TMEM132D: variants seen among roughly 807,000 people sequenced by gnomAD.
TMEM132D encodes mature OL transmembrane protein.
A neutral mutation model predicts 62.3 loss-of-function variants in TMEM132D; 21 were observed. That is an observed-to-expected ratio of 0.34 (90% CI 0.24 to 0.49). TMEM132D has a LOEUF of 0.49. TMEM132D is among the 20% of genes least tolerant of loss of function. The pLI, the probability that TMEM132D is intolerant of heterozygous loss-of-function variation, is 0.99. For missense variants in TMEM132D, 1,346 were observed against 1,402.8 expected, an observed-to-expected ratio of 0.96 and a Z score of 0.65; for synonymous variants, 621 against 575.6, an observed-to-expected ratio of 1.08 and a Z score of -1.13.
intron 5 of TMEM132D, among the ~76,000 whole-genome samples, chr12:129,195,220 G>A (rs766839902): frequency 9.9e-5 from 15 of 152,130 alleles, no homozygotes; most frequent in Non-Finnish European, 1.8e-4. Flanking sequence ...TCCAGTAGGC[G>A]GGAGAAAGGC....
chr12:129,828,494 TC>T, intron 1 of TMEM132D, among the ~76,000 whole-genome samples: 1 of 151,410 alleles, frequency 6.6e-6, no homozygotes, highest in Non-Finnish European at 1.5e-5. Context: ...TTCCTTCCCC[TC>T]CCAATATCAC....
chr12:129,262,014 CATT>C (rs891069245), intron 4 of TMEM132D, among the ~76,000 whole-genome samples: 1 of 151,994 alleles, frequency 6.6e-6, no homozygotes, highest in Non-Finnish European at 1.5e-5. Context: ...GTGGAGGCAT[CATT>C]GAGAGAGTAT....
intron 3 of TMEM132D, among the ~76,000 whole-genome samples, chr12:129,387,594 C>T (rs980176863): frequency 6.6e-6 from 1 of 152,054 alleles, no homozygotes; most frequent in Non-Finnish European, 1.5e-5. Context: ...ACATCCATGG[C>T]AATATAACAC....
At chr12:129,269,928 A>G (rs1880807796) in intron 4 of TMEM132D, among the ~76,000 whole-genome samples, 1 of 152,148 alleles carries the variant, frequency 6.6e-6, no homozygotes, top group South Asian at 2.1e-4. Context: ...AGGCGTCTGA[A>G]AGGAAAGGCA....
chr12:129,821,725 G>A (rs1329572110), intron 1 of TMEM132D, among the ~76,000 whole-genome samples: 4 of 152,172 alleles, frequency 2.6e-5, no homozygotes, highest in Admixed American at 2.6e-4. Context: ...CATCACCTGG[G>A]ATCTTCTTAA....
At chr12:129,595,533 G>C (rs956344217) in intron 2 of TMEM132D, among the ~76,000 whole-genome samples, 46 of 152,140 alleles carry the variant, frequency 3.0e-4, no homozygotes, top group Non-Finnish European at 5.7e-4. Flanking sequence ...AAGGGGCGGG[G>C]GATATTTCTC....
At chr12:129,550,811 G>A (rs1197467479) in intron 2 of TMEM132D, among the ~76,000 whole-genome samples, 2 of 152,150 alleles carry the variant, frequency 1.3e-5, no homozygotes, top group Non-Finnish European at 2.9e-5. Flanking sequence ...TATTTCCAGA[G>A]ATGACCACAA....
At chr12:129,720,220 C>G (rs185105402) in intron 1 of TMEM132D, among the ~76,000 whole-genome samples, 4 of 152,240 alleles carry the variant, frequency 2.6e-5, no homozygotes, top group Non-Finnish European at 5.9e-5. Flanking sequence ...AGTGACACAG[C>G]AACATTCCTA....
intron 2 of TMEM132D, among the ~76,000 whole-genome samples, chr12:129,660,016 G>C (rs1001463453): frequency 6.6e-6 from 1 of 152,196 alleles, no homozygotes; most frequent in African/African-American, 2.4e-5. Flanking sequence ...TGAAATTATT[G>C]CTGGGTCATG....
intron 4 of TMEM132D, among the ~76,000 whole-genome samples, chr12:129,279,650 A>G (rs1881088068): frequency 6.6e-6 from 1 of 152,228 alleles, no homozygotes; most frequent in African/African-American, 2.4e-5. Flanking sequence ...GAATACACCC[A>G]TTGGCAATCC....
chr12:129,845,734 A>G (rs1873339955), intron 1 of TMEM132D, among the ~76,000 whole-genome samples: 1 of 152,202 alleles, frequency 6.6e-6, no homozygotes, highest in Admixed American at 6.5e-5. Flanking sequence ...GGCTTAACCC[A>G]GGAGGGTTCT....
At chr12:129,451,894 G>A (rs530077783) in intron 3 of TMEM132D, among the ~76,000 whole-genome samples, 3 of 152,338 alleles carry the variant, frequency 2.0e-5, no homozygotes, top group South Asian at 2.1e-4. Context: ...GAACCTGGAA[G>A]TTGTTTTACC....
chr12:129,173,744 T>C (rs1877807600), intron 5 of TMEM132D, among the ~76,000 whole-genome samples: 1 of 152,188 alleles, frequency 6.6e-6, no homozygotes, highest in Non-Finnish European at 1.5e-5. Flanking sequence ...AGGTAATGCA[T>C]GTGATAACTT....
intron 4 of TMEM132D, chr12:129,262,291 AT>A (rs1305569563): frequency 6.6e-6 from 1 of 152,270 alleles, no homozygotes; most frequent in Admixed American, 6.5e-5. Context: ...GAATTTGCTA[AT>A]TATTCTTCCC....
rs533270846 is a variant in TMEM132D, at chr12:129,686,186, CA to C, written c.968+13623del. On this transcript the variant is annotated intron_variant, in intron 2 of 8. Transcript: ENST00000422113. ...AGAGGACATGAGATTTGGGAGAGGC[CA>C]GGGGTGGAATGATATGGTTTGGCTG... is the stretch of plus-strand genomic sequence containing the variant. 3.1e-3 allele frequency among the ~76,000 whole-genome samples: 477 copies of C among 152,088 alleles called. 5 individuals carry two copies. Among genetic ancestry groups the C allele is most frequent in the African/African-American group, 0.011 (461 of 41,492 alleles).
chr12:129,809,338 G>A (rs1427387990), intron 1 of TMEM132D, among the ~76,000 whole-genome samples: 1 of 150,476 alleles, frequency 6.6e-6, no homozygotes, highest in African/African-American at 2.4e-5. Flanking sequence ...TTTTTTGAAC[G>A]CTCTGAGCAA....
At chr12:129,555,706 T>A (rs922770072) in intron 2 of TMEM132D, among the ~76,000 whole-genome samples, 1 of 152,094 alleles carries the variant, frequency 6.6e-6, no homozygotes, top group African/African-American at 2.4e-5. Context: ...TCACCACATA[T>A]CCTTTTATAA....
Position 129,436,095 on chromosome 12 carries a change from G to A in TMEM132D, c.1115+94964C>T, listed in dbSNP as rs538640181. Among the ~76,000 whole-genome samples the A allele has an allele frequency of 4.6e-5, 7 of 152,146 alleles. No individual in the cohort carries two copies. The East Asian group carries it at 9.7e-4, about 21-fold the overall frequency. On this transcript the variant is annotated intron_variant, in intron 3 of 8. Coordinates refer to ENST00000422113, the MANE Select transcript of TMEM132D (RefSeq NM_133448.3). ...TGTCTGAAGTGCAGCTGTGAGGGTC[G>A]GAGCCACGGCAGCTATCTTGAGGGC...
chr12:129,785,890 T>C (rs971109674), intron 1 of TMEM132D, among the ~76,000 whole-genome samples: 5 of 144,794 alleles, frequency 3.5e-5, no homozygotes, highest in Non-Finnish European at 7.6e-5. Context: ...ACCATGAACA[T>C]CAGATAAAAC....
Sources: gnomAD v4.1 joint callset for allele counts (sites outside exome capture counted in the v4.1 genomes callset) on GRCh38, gnomAD v4.1.1 for gene constraint, MANE v1.5 for transcripts, NCBI Gene and HGNC (gene_info 2026-07-23, HGNC 2026-07-21) for gene names.